Variants in BLTP1 observed in about 807,000 individuals in gnomAD.
BLTP1 encodes the protein fragile site-associated protein.
chr4:122,262,169 T>TGTGTGTGTGC, the BLTP1 span, among the ~76,000 whole-genome samples: 1 of 151,388 alleles, frequency 6.6e-6, no homozygotes, highest in Non-Finnish European at 1.5e-5. Flanking sequence ...TGTGTGTGTG[T>TGTGTGTGTGC]GTGTGTGTGT....
the BLTP1 span, chr4:122,344,231 C>A: frequency 1.2e-6 from 1 of 859,774 alleles, no homozygotes; most frequent in Non-Finnish European, 1.7e-6. Flanking sequence ...AATGCTAATG[C>A]TCATTAGATC....
the BLTP1 span, among the ~76,000 whole-genome samples, chr4:122,156,991 A>T: frequency 6.6e-6 from 1 of 152,164 alleles, no homozygotes; most frequent in Non-Finnish European, 1.5e-5. Context: ...TAGAAAGAGG[A>T]AATGGTTCAC....
the BLTP1 span, among the ~76,000 whole-genome samples, chr4:122,196,417 T>C: frequency 6.6e-5 from 10 of 152,158 alleles, no homozygotes; most frequent in Non-Finnish European, 1.2e-4. Flanking sequence ...TAATCTTGAA[T>C]AGTGCAAATT....
the BLTP1 span, chr4:122,173,230 C>CTG: frequency 7.0e-7 from 1 of 1,434,752 alleles, no homozygotes; most frequent in Non-Finnish European, 9.6e-7. Flanking sequence ...GTTGCTATAA[C>CTG]TGAATGCCTG....
chr4:122,231,584 T>C, the BLTP1 span: 1 of 870,994 alleles, frequency 1.1e-6, no homozygotes. Flanking sequence ...TATATGACTT[T>C]AATTTTATGC....
the BLTP1 span, chr4:122,192,039 T>A: frequency 5.6e-6 from 1 of 179,604 alleles, no homozygotes; most frequent in African/African-American, 2.4e-5. Context: ...AATTGCTAAA[T>A]TTTAATTTTG....
chr4:122,156,897 A>G, the BLTP1 span, among the ~76,000 whole-genome samples: 3 of 152,186 alleles, frequency 2.0e-5, no homozygotes, highest in South Asian at 4.1e-4. Context: ...GGAGATGATG[A>G]TGATGATATA....
chr4:122,290,812 T>TACACACACACAC, the BLTP1 span: 14 of 92,602 alleles, frequency 1.5e-4, no homozygotes, highest in African/African-American at 3.5e-4. Context: ...AAAAAAAATA[T>TACACACACACAC]ACACACACAC....
chr4:122,204,743 G>A, the BLTP1 span: 1 of 511,866 alleles, frequency 2.0e-6, no homozygotes, highest in Non-Finnish European at 2.5e-6. Flanking sequence ...ATGATTTTTG[G>A]GCATTTCCCA....
the BLTP1 span, among the ~76,000 whole-genome samples, chr4:122,245,615 C>T: frequency 1.7e-3 from 262 of 152,222 alleles, no homozygotes; most frequent in African/African-American, 6.1e-3. Context: ...GCCACGAAGC[C>T]AGTTGCTTAG....
chr4:122,187,469 C>T, the BLTP1 span: 2 of 1,612,278 alleles, frequency 1.2e-6, no homozygotes, highest in South Asian at 1.1e-5. Flanking sequence ...CCCACATCTT[C>T]ATGGAGATCA....
At chr4:122,268,254 CTA>C in the BLTP1 span, among the ~76,000 whole-genome samples, 1 of 152,042 alleles carries the variant, frequency 6.6e-6, no homozygotes, top group Admixed American at 6.6e-5. Flanking sequence ...GAGAATTAGA[CTA>C]TTTTATTTCT....
the BLTP1 span, chr4:122,324,654 T>G: frequency 1.3e-6 from 1 of 755,058 alleles, no homozygotes; most frequent in Non-Finnish European, 2.0e-6. Flanking sequence ...ATTTTATTAG[T>G]AAAATAGCAA....
the BLTP1 span, chr4:122,208,495 A>T: frequency 2.1e-6 from 2 of 952,280 alleles, no homozygotes; most frequent in Non-Finnish European, 2.5e-6. Flanking sequence ...AAGAAATGAG[A>T]CTTACTAGAA....
chr4:122,303,874 G>C, the BLTP1 span, among the ~76,000 whole-genome samples: 2 of 152,162 alleles, frequency 1.3e-5, no homozygotes, highest in Non-Finnish European at 2.9e-5. Context: ...AAACACTGTT[G>C]AAATGACAAA....
the BLTP1 span, chr4:122,341,956 T>C: frequency 2.4e-6 from 1 of 408,308 alleles, no homozygotes; most frequent in Non-Finnish European, 3.3e-6. Flanking sequence ...CAACTCTGAA[T>C]AACAAAAAGG....
the BLTP1 span, among the ~76,000 whole-genome samples, chr4:122,285,501 C>T: frequency 6.6e-6 from 1 of 151,988 alleles, no homozygotes; most frequent in Non-Finnish European, 1.5e-5. Flanking sequence ...ACTCATCTGG[C>T]CATTCACAGA....
chr4:122,340,579 A>T, the BLTP1 span: 1 of 230,060 alleles, frequency 4.3e-6, no homozygotes, highest in Non-Finnish European at 7.2e-6. Context: ...TACTTGTATT[A>T]ATGGGGAAAT....
chr4:122,293,065 C>A, the BLTP1 span: 1 of 941,890 alleles, frequency 1.1e-6, no homozygotes, highest in Non-Finnish European at 1.3e-6. Flanking sequence ...AAATATGAGG[C>A]TAGCTATAAT....
Sources: gnomAD v4.1 joint callset for allele counts (sites outside exome capture counted in the v4.1 genomes callset) on GRCh38, gnomAD v4.1.1 for gene constraint, MANE v1.5 for transcripts, NCBI Gene and HGNC (gene_info 2026-07-23, HGNC 2026-07-21) for gene names.